EPHB1: variants seen among roughly 807,000 people sequenced by gnomAD.
EPHB1 encodes the protein EPH receptor B1, also known as ephrin type-B receptor 1.
In EPHB1, 30 loss-of-function variants were observed where a neutral mutation model predicts 94.4. The ratio of observed to expected loss-of-function variants is 0.32; its 90% CI spans 0.24 to 0.43. EPHB1 has a LOEUF of 0.43. EPHB1 is among the 20% of genes least tolerant of loss of function. EPHB1 has a pLI of 1.00. For synonymous variants in EPHB1, 522 were observed against 489.1 expected (o/e 1.07, Z -0.89); for missense variants, 1,055 against 1,308.3 (o/e 0.81, Z 2.99).
At chr3:134,987,454 A>G (rs1934640093) in intron 3 of EPHB1, among the ~76,000 whole-genome samples, 2 of 152,132 alleles carry the variant, frequency 1.3e-5, no homozygotes, top group African/African-American at 2.4e-5. Context: ...GTTTCTGTAC[A>G]TGCACACAGA....
At chr3:134,803,069 G>A (rs1478551121) in intron 1 of EPHB1, among the ~76,000 whole-genome samples, 3 of 152,206 alleles carry the variant, frequency 2.0e-5, no homozygotes, top group Non-Finnish European at 4.4e-5. Context: ...ACCACTAGCA[G>A]CTGCTTAAGG....
intron 4 of EPHB1, among the ~76,000 whole-genome samples, chr3:135,113,394 G>C (rs1235879466): frequency 6.6e-6 from 1 of 152,172 alleles, no homozygotes; most frequent in East Asian, 1.9e-4. Flanking sequence ...TAAGCTAAAA[G>C]CCAGGCACAC....
chr3:135,062,598 A>T (rs1488518007), intron 3 of EPHB1, among the ~76,000 whole-genome samples: 1 of 151,924 alleles, frequency 6.6e-6, no homozygotes, highest in Non-Finnish European at 1.5e-5. Context: ...CCTTTGTCAG[A>T]TGTATAGATT....
intron 1 of EPHB1, among the ~76,000 whole-genome samples, chr3:134,861,107 G>A (rs1279689944): frequency 6.6e-6 from 1 of 152,150 alleles, no homozygotes; most frequent in African/African-American, 2.4e-5. Flanking sequence ...GGCAGGGCTA[G>A]GTCTACAGAT....
chr3:135,031,130 C>T (rs769036570), intron 3 of EPHB1, among the ~76,000 whole-genome samples: 1 of 152,154 alleles, frequency 6.6e-6, no homozygotes. Flanking sequence ...GTCTGGCACT[C>T]CCTAGTGAGA....
chr3:135,104,521 G>A (rs927232491), intron 3 of EPHB1, among the ~76,000 whole-genome samples: 4 of 152,156 alleles, frequency 2.6e-5, no homozygotes, highest in African/African-American at 9.7e-5. Context: ...AACTGACATT[G>A]TTTCCCCAAA....
rs200571913 is a variant in EPHB1, at chr3:135,057,396, CTCTCT to C, written c.806-49043_806-49039del. Among the ~76,000 whole-genome samples the C allele has an allele frequency of 8.9e-3, 1,360 of 152,146 alleles. 11 individuals carry two copies. Among genetic ancestry groups the C allele is most frequent in the Non-Finnish European group, 0.012 (803 of 67,980 alleles). On this transcript the variant is annotated intron_variant, in intron 3 of 15. Coordinates refer to ENST00000398015, the MANE Select transcript of EPHB1 (RefSeq NM_004441.5). ...CTGCTCTCTGGACAGCAGCACTTGC[CTCTCT>C]TCTCTTCTTTTTCCTTTCCCACTTT... is the stretch of plus-strand genomic sequence containing the variant.
At chr3:134,828,300 A>C (rs550102290) in intron 1 of EPHB1, among the ~76,000 whole-genome samples, 1 of 152,334 alleles carries the variant, frequency 6.6e-6, no homozygotes, top group African/African-American at 2.4e-5. Context: ...AAGATCATGG[A>C]GTCTTAATAG....
chr3:135,000,093 T>C (rs1376232036), intron 3 of EPHB1, among the ~76,000 whole-genome samples: 1 of 152,190 alleles, frequency 6.6e-6, no homozygotes, highest in East Asian at 1.9e-4. Flanking sequence ...ACCTCCTCAC[T>C]GGAAATTTAC....
intron 1 of EPHB1, among the ~76,000 whole-genome samples, chr3:134,828,226 T>G (rs1167294965): frequency 6.6e-6 from 1 of 152,016 alleles, no homozygotes; most frequent in African/African-American, 2.4e-5. Flanking sequence ...TGGTGAAGGG[T>G]TGTTGAAAAT....
In EPHB1 at chr3:134,887,790, G is replaced by C. The variant is rs377120952; in HGVS notation, c.59-38026G>C. Among the ~76,000 whole-genome samples, 21 of 152,300 alleles carry C rather than the reference G, an allele frequency of 1.4e-4. No homozygotes were observed. The South Asian group carries it at 4.4e-3, about 32-fold the overall frequency. ...GTATTTAGAGCTCCTTGTAAGGAGAGAACTACATCAATATTAGAGTAATCA... is the reference window on the plus strand; with the variant it reads ...GTATTTAGAGCTCCTTGTAAGGAGACAACTACATCAATATTAGAGTAATCA... On this transcript the variant is annotated intron_variant, in intron 1 of 15. Transcript: ENST00000398015.
chr3:134,993,249 T>C (rs1187130050), intron 3 of EPHB1, among the ~76,000 whole-genome samples: 1 of 152,230 alleles, frequency 6.6e-6, no homozygotes, highest in East Asian at 1.9e-4. Context: ...CTCATCCTGA[T>C]GTTAGACGAG....
chr3:135,243,090 A>AG (rs1204253570), intron 13 of EPHB1, among the ~76,000 whole-genome samples: 3 of 77,940 alleles, frequency 3.8e-5, no homozygotes, highest in Non-Finnish European at 8.9e-5. Context: ...AAAAAAAAAA[A>AG]AAAAGAAAAG....
intron 3 of EPHB1, among the ~76,000 whole-genome samples, chr3:135,094,132 C>T (rs1037317685): frequency 6.6e-6 from 1 of 152,226 alleles, no homozygotes; most frequent in Admixed American, 6.5e-5. Context: ...AGGCCATTTG[C>T]CTCTCTGGGT....
At chr3:134,845,679 T>C (rs1372883151) in intron 1 of EPHB1, among the ~76,000 whole-genome samples, 1 of 152,192 alleles carries the variant, frequency 6.6e-6, no homozygotes, top group East Asian at 1.9e-4. Flanking sequence ...TGAGGAGATA[T>C]CCCAGCAGAC....
At chr3:135,154,126 T>A in intron 5 of EPHB1, 26 bp from the exon 6 acceptor site, 1 of 1,613,698 alleles carries the variant, frequency 6.2e-7, no homozygotes, top group Non-Finnish European at 8.5e-7. Context: ...TCTGTTCAGC[T>A]ACCCTGTTTC....
chr3:135,213,964 G>A (rs181611148), intron 12 of EPHB1, among the ~76,000 whole-genome samples: 6 of 152,162 alleles, frequency 3.9e-5, no homozygotes, highest in Admixed American at 2.0e-4. Context: ...TCTTCAAGGC[G>A]CCTCTGATCT....
rs1318339033 is a variant in EPHB1 at position 135,132,986 on chromosome 3, G to A, written c.1234G>A (p.Val412Ile). Residue 412 changes from valine to isoleucine, a missense_variant, in exon 5 of 16, where the codon GTC becomes ATC. Coordinates refer to ENST00000398015, the MANE Select transcript of EPHB1 (RefSeq NM_004441.5). ...CTTTGACATCCAGGCCATCAATGGAGTCTCCAGCAAGAGTCCCTTCCCCCC... is the reference window on the plus strand; with the variant it reads ...CTTTGACATCCAGGCCATCAATGGAATCTCCAGCAAGAGTCCCTTCCCCCC... ...YTFDIQAING[V>I]SSKSPFPPQH... is the part of the protein sequence containing the mutation. The A allele has an allele frequency of 1.2e-6, 2 of 1,613,230 alleles. No homozygotes were observed. Among genetic ancestry groups the A allele is most frequent in the African/African-American group, 2.7e-5 (2 of 75,062 alleles).
intron 11 of EPHB1, among the ~76,000 whole-genome samples, chr3:135,200,798 G>C (rs567975265): frequency 2.2e-4 from 33 of 152,262 alleles, no homozygotes; most frequent in Middle Eastern, 3.4e-3. Context: ...CATATTTTGG[G>C]GGGGAGTTAA....
Sources: allele counts gnomAD v4.1 joint callset (sites outside exome capture counted in the v4.1 genomes callset), GRCh38; gene constraint gnomAD v4.1.1; transcripts MANE v1.5; gene names NCBI Gene and HGNC (gene_info 2026-07-23, HGNC 2026-07-21).